The following PRRX1 variants were observed in gnomAD, a reference collection of about 807,000 sequenced individuals.
PRRX1 encodes paired mesoderm homeobox protein 1.
PRRX1 carries 8 observed loss-of-function variants against 24.0 expected under a neutral mutation model. The observed-to-expected ratio is 0.33, with a 90% CI of 0.20 to 0.60. The LOEUF is 0.60. Ranked by LOEUF, PRRX1 falls within the 20% of genes least tolerant of loss-of-function variation. The probability of loss-of-function intolerance (pLI) is 0.82; values close to 1 mark genes in which losing one functional copy is unlikely to be tolerated. For synonymous variants in PRRX1, 160 were observed against 131.7 expected (o/e 1.22, Z -1.47); for missense variants, 281 against 322.4 (o/e 0.87, Z 0.98).
At chr1:170,703,917 T>C (rs529703134) in intron 1 of PRRX1, among the ~76,000 whole-genome samples, 13 of 152,158 alleles carry the variant, frequency 8.5e-5, no homozygotes, top group African/African-American at 7.2e-5. Flanking sequence ...ATGTCCTAAA[T>C]TGTGTGAATC....
intron 3 of PRRX1, chr1:170,728,746 G>A (rs1388428806): frequency 6.6e-6 from 1 of 152,128 alleles, no homozygotes; most frequent in East Asian, 1.9e-4. Context: ...TTATATTTTG[G>A]TTGATTTCTA....
chr1:170,710,067 T>A (rs1336469464), intron 1 of PRRX1, among the ~76,000 whole-genome samples: 1 of 152,138 alleles, frequency 6.6e-6, no homozygotes, highest in Non-Finnish European at 1.5e-5. Context: ...AGTCTGGAGT[T>A]TATCCCTGCA....
chr1:170,730,377 C>T (rs775106141), intron 3 of PRRX1: 23 of 1,563,626 alleles, frequency 1.5e-5, no homozygotes, highest in Non-Finnish European at 1.9e-5. Flanking sequence ...AAGAGGGTGG[C>T]TGCTTGGGGT....
chr1:170,711,671 T>C (rs1221641114), intron 1 of PRRX1, among the ~76,000 whole-genome samples: 1 of 152,208 alleles, frequency 6.6e-6, no homozygotes, highest in East Asian at 1.9e-4. Context: ...AATGGCAAGA[T>C]TGATGTTGTC....
chr1:170,731,049 T>C (rs1655421413), intron 3 of PRRX1, among the ~76,000 whole-genome samples: 1 of 152,138 alleles, frequency 6.6e-6, no homozygotes, highest in South Asian at 2.1e-4. Context: ...AAGAGATAAA[T>C]ATACGTATTA....
intron 1 of PRRX1, among the ~76,000 whole-genome samples, chr1:170,674,981 C>T (rs1026495426): frequency 2.0e-5 from 3 of 152,130 alleles, no homozygotes; most frequent in Admixed American, 6.6e-5. Flanking sequence ...TTTTTCTTTA[C>T]TCAGTGGAAA....
chr1:170,714,075 C>T lies in PRRX1; in HGVS notation c.242-5651C>T, dbSNP rs1029011313. On this transcript the variant is annotated intron_variant, in intron 1 of 3. Transcript: ENST00000239461. The stretch of plus-strand genomic sequence containing the variant: ...GCTCAGTCTATATTGCAACAATCTT[C>T]CCAGTTAAGTGACCCATGTGCCATT... 7.9e-5 allele frequency among the ~76,000 whole-genome samples: 12 copies of T among 152,282 alleles called. 1 individual carries two copies. Among genetic ancestry groups the T allele is most frequent in the Middle Eastern group, 3.4e-3 (1 of 294 alleles).
intron 2 of PRRX1, among the ~76,000 whole-genome samples, chr1:170,724,813 T>C (rs1350258289): frequency 2.6e-5 from 4 of 152,210 alleles, no homozygotes; most frequent in Non-Finnish European, 1.5e-5. Context: ...TCTAATTCTG[T>C]GAACAATGTG....
At chr1:170,694,853 CT>C (rs1198605036) in intron 1 of PRRX1, among the ~76,000 whole-genome samples, 1 of 152,104 alleles carries the variant, frequency 6.6e-6, no homozygotes, top group Non-Finnish European at 1.5e-5. Context: ...ATGATAACAT[CT>C]AAGGATTTTG....
At chr1:170,730,563 T>G (rs1008247925) in intron 3 of PRRX1, 6 of 537,548 alleles carry the variant, frequency 1.1e-5, no homozygotes, top group Admixed American at 9.7e-5. Flanking sequence ...CAGAGATTGC[T>G]GTGCACAGGA....
At chr1:170,679,763 G>C (rs1397671283) in intron 1 of PRRX1, among the ~76,000 whole-genome samples, 1 of 150,796 alleles carries the variant, frequency 6.6e-6, no homozygotes, top group Admixed American at 6.6e-5. Context: ...TATTCTAGAA[G>C]AAAAAACATG....
intron 1 of PRRX1, among the ~76,000 whole-genome samples, chr1:170,694,097 G>A (rs1031236938): frequency 6.6e-6 from 1 of 152,024 alleles, no homozygotes; most frequent in Non-Finnish European, 1.5e-5. Context: ...AGGTGCAAGT[G>A]AGTCCAAACC....
chr1:170,727,468 G>T (rs983786311), intron 3 of PRRX1: 1 of 152,144 alleles, frequency 6.6e-6, no homozygotes, highest in African/African-American at 2.4e-5. Flanking sequence ...TATTGTCAAG[G>T]TTAATTATTG....
chr1:170,698,408 C>T (rs951535120), intron 1 of PRRX1, among the ~76,000 whole-genome samples: 3 of 152,170 alleles, frequency 2.0e-5, no homozygotes, highest in South Asian at 2.1e-4. Flanking sequence ...CTTTATTTTT[C>T]GGATCCTAAA....
At chr1:170,700,988 T>C (rs1654336613) in intron 1 of PRRX1, among the ~76,000 whole-genome samples, 1 of 152,152 alleles carries the variant, frequency 6.6e-6, no homozygotes. Context: ...AGTGACATAG[T>C]TTTTCATAGG....
intron 1 of PRRX1, among the ~76,000 whole-genome samples, chr1:170,683,151 T>C (rs1653610480): frequency 6.6e-6 from 1 of 152,236 alleles, no homozygotes; most frequent in Non-Finnish European, 1.5e-5. Context: ...GAGAGTTTTG[T>C]AATGTGATTT....
chr1:170,692,923 C>T (rs1297762546), intron 1 of PRRX1, among the ~76,000 whole-genome samples: 1 of 152,120 alleles, frequency 6.6e-6, no homozygotes, highest in African/African-American at 2.4e-5. Context: ...ATATGCCAGA[C>T]AAATTTTGAC....
intron 1 of PRRX1, among the ~76,000 whole-genome samples, chr1:170,719,120 C>A (rs888708133): frequency 6.6e-6 from 1 of 152,152 alleles, no homozygotes; most frequent in Non-Finnish European, 1.5e-5. Context: ...TAGGCTGAGG[C>A]CTCTGAAGCC....
chr1:170,727,099 G>T (rs61814072), intron 3 of PRRX1: 6,830 of 152,168 alleles, frequency 0.045, 207 homozygotes, highest in Middle Eastern at 0.074. Context: ...ATTTGTGTGT[G>T]TGCGTGTGTG....
Sources: gnomAD v4.1 joint callset for allele counts (sites outside exome capture counted in the v4.1 genomes callset) on GRCh38, gnomAD v4.1.1 for gene constraint, MANE v1.5 for transcripts, NCBI Gene and HGNC (gene_info 2026-07-23, HGNC 2026-07-21) for gene names.